Variants in TMPRSS12 observed in about 807,000 individuals in gnomAD.
The protein encoded by TMPRSS12 is transmembrane protease serine 12.
Under a neutral mutation model 26.0 loss-of-function variants are expected in TMPRSS12, and 25 were observed. That is an observed-to-expected ratio of 0.96 (90% CI 0.70 to 1.34). The LOEUF is 1.34. TMPRSS12 is among the 40% of genes most tolerant of loss of function. The probability of loss-of-function intolerance (pLI) is 0.00; values close to 1 mark genes in which losing one functional copy is unlikely to be tolerated. For synonymous variants in TMPRSS12, 150 were observed against 161.7 expected (o/e 0.93, Z 0.55); for missense variants, 441 against 440.1 (o/e 1.00, Z -0.02).
At chr12:50,861,012 G>A (rs1396657167) in intron 3 of TMPRSS12, among the ~76,000 whole-genome samples, 2 of 152,146 alleles carry the variant, frequency 1.3e-5, no homozygotes, top group East Asian at 3.9e-4. Flanking sequence ...CTGAGTAGCT[G>A]GGTTTATAGG....
intron 3 of TMPRSS12, 100 bp from the exon 4 acceptor site, chr12:50,885,146 T>C (rs11169599): frequency 0.02 from 20,120 of 1,020,784 alleles, 256 homozygotes; most frequent in Non-Finnish European, 0.023. Context: ...TACATAATTA[T>C]TGCATCAGTC....
In TMPRSS12 at chr12:50,885,230, TA is replaced by T. The variant is rs767715782; in HGVS notation, c.653-15del. 1.4e-5 allele frequency: 22 copies of T among 1,566,086 alleles called. No individual in the cohort carries two copies. The African/African-American group carries it at 2.9e-4, about 20-fold the overall frequency. On this transcript the variant is annotated splice_polypyrimidine_tract_variant and intron_variant, in intron 3 of 4. Transcript: ENST00000398458. ...TGTCTGCTCCAAGATAACTTACTGGTATTTTTTGTTAACAGGTAACGCTACA... is the reference window on the plus strand; with the variant it reads ...TGTCTGCTCCAAGATAACTTACTGGTTTTTTTGTTAACAGGTAACGCTACA...
In TMPRSS12 at chr12:50,887,676, T is replaced by C. The variant is rs988622208; in HGVS notation, c.*163T>C. ...ATTGTGACAGATATACAATTGTAAT[T>C]TTGGCACTGAATCACATGTCTCCTT... is the stretch of plus-strand genomic sequence containing the variant. On this transcript the variant is annotated 3_prime_UTR_variant, in exon 5 of 5. Transcript: ENST00000398458. 3.6e-6 allele frequency: 3 copies of C among 823,800 alleles called. No homozygotes were observed. The highest frequency in any genetic ancestry group is 5.4e-6 in the Non-Finnish European group (3 of 552,902). 51.0% of individuals were successfully genotyped at this position (823,800 alleles called of 1,614,324 possible).
At chr12:50,853,791 C>T (rs1485403966) in intron 2 of TMPRSS12, among the ~76,000 whole-genome samples, 1 of 151,930 alleles carries the variant, frequency 6.6e-6, no homozygotes, top group Non-Finnish European at 1.5e-5. Context: ...GAAATTGAAA[C>T]CCTGAACAGA....
intron 2 of TMPRSS12, among the ~76,000 whole-genome samples, chr12:50,856,546 A>C (rs907289314): frequency 2.0e-5 from 3 of 152,106 alleles, no homozygotes; most frequent in Non-Finnish European, 4.4e-5. Flanking sequence ...ACCACTATAA[A>C]CATTTGTGTG....
intron 3 of TMPRSS12, among the ~76,000 whole-genome samples, chr12:50,883,696 T>C (rs921266872): frequency 2.8e-4 from 42 of 151,882 alleles, no homozygotes; most frequent in African/African-American, 8.0e-4. Context: ...TAAATAATAA[T>C]GAAATAAAAT....
At chr12:50,867,671 C>G (rs1400526516) in intron 3 of TMPRSS12, among the ~76,000 whole-genome samples, 10 of 152,138 alleles carry the variant, frequency 6.6e-5, no homozygotes, top group Non-Finnish European at 8.8e-5. Flanking sequence ...GGCACACTGT[C>G]ATCAGGTTAT....
intron 2 of TMPRSS12, among the ~76,000 whole-genome samples, chr12:50,845,233 T>C (rs1184392462): frequency 1.3e-5 from 2 of 152,214 alleles, no homozygotes; most frequent in Non-Finnish European, 1.5e-5. Context: ...TGACTTCATC[T>C]CAGTTCCCAT....
Position 50,843,632 on chromosome 12 carries a change from T to C in TMPRSS12, c.188-210T>C, listed in dbSNP as rs554010748. On this transcript the variant is annotated intron_variant, in intron 1 of 4. Coordinates refer to ENST00000398458, the MANE Select transcript of TMPRSS12 (RefSeq NM_182559.3). Reference sequence around the variant, plus strand: ...AGAGTTTTAAAATTAATGAATTGTGTTGACTTCATGTCTATTTGTAAGTAA... The same window carrying C: ...AGAGTTTTAAAATTAATGAATTGTGCTGACTTCATGTCTATTTGTAAGTAA... Among the ~76,000 whole-genome samples the C allele has an allele frequency of 3.7e-4, 56 of 152,342 alleles. 1 individual carries two copies. The East Asian group carries it at 0.01, about 28-fold the overall frequency.
chr12:50,862,898 A>G (rs576904371), intron 3 of TMPRSS12, among the ~76,000 whole-genome samples: 26 of 152,122 alleles, frequency 1.7e-4, no homozygotes, highest in African/African-American at 6.3e-4. Flanking sequence ...AAAAATACAC[A>G]TGGCTACATT....
At chr12:50,878,880 C>G (rs1348110072) in intron 3 of TMPRSS12, among the ~76,000 whole-genome samples, 1 of 152,132 alleles carries the variant, frequency 6.6e-6, no homozygotes, top group Non-Finnish European at 1.5e-5. Context: ...GGAAGTAGGG[C>G]CTTTTGAGAG....
At chr12:50,853,971 T>C (rs1937852152) in intron 2 of TMPRSS12, among the ~76,000 whole-genome samples, 2 of 152,110 alleles carry the variant, frequency 1.3e-5, no homozygotes. Flanking sequence ...CCTAATTCAT[T>C]CTACAAAGCC....
intron 3 of TMPRSS12, among the ~76,000 whole-genome samples, chr12:50,865,602 G>A (rs1937983631): frequency 1.3e-5 from 2 of 151,070 alleles, no homozygotes; most frequent in South Asian, 4.2e-4. Context: ...AAAAATTGAT[G>A]AAAGACATGA....
chr12:50,866,742 A>C (rs1220065152), intron 3 of TMPRSS12, among the ~76,000 whole-genome samples: 1 of 152,116 alleles, frequency 6.6e-6, no homozygotes, highest in Non-Finnish European at 1.5e-5. Flanking sequence ...ACCCCCTGCC[A>C]TCTCCACTGG....
At chr12:50,869,341 A>G (rs1938021043) in intron 3 of TMPRSS12, among the ~76,000 whole-genome samples, 1 of 152,208 alleles carries the variant, frequency 6.6e-6, no homozygotes, top group Non-Finnish European at 1.5e-5. Flanking sequence ...CTACAGAAAT[A>G]CAAAAGATCA....
At chr12:50,857,781 T>A (rs962559448) in intron 2 of TMPRSS12, among the ~76,000 whole-genome samples, 4 of 149,552 alleles carry the variant, frequency 2.7e-5, no homozygotes, top group Admixed American at 6.7e-5. Context: ...TTTTTCTGGT[T>A]TAGTTTTTTG....
At chr12:50,863,951 C>A (rs144836403) in intron 3 of TMPRSS12, among the ~76,000 whole-genome samples, 19 of 152,238 alleles carry the variant, frequency 1.2e-4, no homozygotes, top group African/African-American at 4.6e-4. Flanking sequence ...TTAGTGCTAT[C>A]TTTGCAACTA....
chr12:50,859,137 C>A, intron 3 of TMPRSS12, 84 bp downstream of exon 3: 2 of 1,245,872 alleles, frequency 1.6e-6, no homozygotes, highest in Non-Finnish European at 2.2e-6. Context: ...CATTCATGTG[C>A]CACATAATGA....
intron 2 of TMPRSS12, among the ~76,000 whole-genome samples, chr12:50,857,499 A>G (rs934385718): frequency 6.6e-6 from 1 of 152,170 alleles, no homozygotes; most frequent in East Asian, 1.9e-4. Flanking sequence ...ACTCACATAA[A>G]CATTGCCAAT....
Sources: gnomAD v4.1 joint callset for allele counts (sites outside exome capture counted in the v4.1 genomes callset) on GRCh38, gnomAD v4.1.1 for gene constraint, MANE v1.5 for transcripts, NCBI Gene and HGNC (gene_info 2026-07-23, HGNC 2026-07-21) for gene names.